The following ZGRF1 variants were observed in gnomAD, a reference collection of about 807,000 sequenced individuals.
The protein encoded by ZGRF1 is zinc finger GRF-type containing 1.
A neutral mutation model predicts 203.5 loss-of-function variants in ZGRF1; 196 were observed. That is an observed-to-expected ratio of 0.96 (90% CI 0.86 to 1.08). The LOEUF is 1.08. ZGRF1 is among the 50% of genes least tolerant of loss of function. ZGRF1 has a pLI of 0.00. For missense variants in ZGRF1, 2,326 were observed against 2,416.3 expected, an observed-to-expected ratio of 0.96 and a Z score of 0.78; for synonymous variants, 809 against 841.3, an observed-to-expected ratio of 0.96 and a Z score of 0.66.
chr4:112,556,399 G>GT (rs1291295199), intron 20 of ZGRF1, among the ~76,000 whole-genome samples: 7 of 151,320 alleles, frequency 4.6e-5, no homozygotes, highest in Admixed American at 2.6e-4. Flanking sequence ...CATTTTCTAA[G>GT]TTTTTTTTTG....
rs551021088 is a variant in ZGRF1, at chr4:112,618,657, A to G, written c.1385T>C (p.Val462Ala). The G allele has an allele frequency of 6.2e-7, 1 of 1,613,106 alleles. No homozygotes were observed. Among genetic ancestry groups the G allele is most frequent in the Admixed American group, 1.7e-5 (1 of 59,994 alleles). ...CTTTTCCAGTGTTCCACATGTATTT[A>G]CCTCCTGAGCATTTTCTTTAATGAG... ...SVLIKENAQE[V>A]NTCGTLEKEY... The change falls in exon 6 of 28, where the codon GTA becomes GCA. Residue 462 changes from valine to alanine, a missense_variant. Coordinates refer to ENST00000505019, the MANE Select transcript of ZGRF1 (RefSeq NM_018392.5).
At chr4:112,583,797 C>T (rs1161245948) in intron 15 of ZGRF1, among the ~76,000 whole-genome samples, 181 bp downstream of exon 15, 1 of 151,610 alleles carries the variant, frequency 6.6e-6, no homozygotes, top group East Asian at 1.9e-4. Flanking sequence ...AGAGCAAGAG[C>T]TTGTAACTAT....
intron 10 of ZGRF1, 84 bp downstream of exon 10, chr4:112,603,440 T>C: frequency 1.1e-6 from 1 of 919,828 alleles, no homozygotes; most frequent in South Asian, 1.9e-5. Flanking sequence ...TATAACTGTA[T>C]AAACAACTAT....
intron 16 of ZGRF1, among the ~76,000 whole-genome samples, chr4:112,571,841 C>T (rs1311679330): frequency 6.6e-6 from 1 of 152,098 alleles, no homozygotes; most frequent in Non-Finnish European, 1.5e-5. Context: ...CATCTAAGAA[C>T]AGAGAGGGGA....
In ZGRF1 at chr4:112,560,911, A is replaced by T. The variant is rs760317630; in HGVS notation, c.4782T>A (p.Phe1594Leu). The T allele has an allele frequency of 1.9e-6, 3 of 1,613,448 alleles. No individual in the cohort carries two copies. In the South Asian group the frequency reaches 3.3e-5, roughly 18 times the overall value. ...PPAFTNVSTK[F>L]ELLSLGATLK... ...ATGTTGCTCCTAGGCTGAGTAGTTC[A>T]AATTTTGTACTGACATTTGTGAAGG... The change falls in exon 19 of 28, where the codon TTT becomes TTA. Residue 1594 changes from phenylalanine to leucine, a missense_variant. Physicochemically the swap from Phe to Leu is conservative, Grantham distance 22. Coordinates refer to ENST00000505019, the MANE Select transcript of ZGRF1 (RefSeq NM_018392.5).
intron 6 of ZGRF1, among the ~76,000 whole-genome samples, chr4:112,614,009 G>A (rs1332682523): frequency 1.3e-5 from 2 of 152,060 alleles, no homozygotes; most frequent in African/African-American, 4.8e-5. Flanking sequence ...AACACCAGAT[G>A]AAAATTGATA....
chr4:112,566,828 T>A (rs1288711106), intron 16 of ZGRF1, among the ~76,000 whole-genome samples: 1 of 151,954 alleles, frequency 6.6e-6, no homozygotes, highest in Non-Finnish European at 1.5e-5. Context: ...GGGAGGCTCT[T>A]GGGGTTCTGT....
chr4:112,585,729 C>CAAA lies in ZGRF1; in HGVS notation c.3917-7_3917-5dup. On this transcript the variant is annotated splice_region_variant and splice_polypyrimidine_tract_variant and intron_variant, in intron 13 of 27. Coordinates refer to ENST00000505019, the MANE Select transcript of ZGRF1 (RefSeq NM_018392.5). ...AACAGCAATATATTTAGATGTTCTA[C>CAAA]AAAAAAAAAAAAAAGAGAGCAGAAA... The CAAA allele has an allele frequency of 8.0e-5, 93 of 1,161,270 alleles. No homozygotes were observed. Among genetic ancestry groups the CAAA allele is most frequent in the South Asian group, 1.9e-4 (9 of 46,680 alleles). 71.9% of individuals were successfully genotyped at this position (1,161,270 alleles called of 1,614,324 possible). A position where few individuals can be genotyped will look rare whatever the true frequency, so the allele number is the denominator to read the frequency against.
At chr4:112,555,474 T>C (rs1740767435) in intron 20 of ZGRF1, among the ~76,000 whole-genome samples, 1 of 152,170 alleles carries the variant, frequency 6.6e-6, no homozygotes, top group Admixed American at 6.5e-5. Flanking sequence ...AAAACAATTT[T>C]CCAAAATAAT....
intron 9 of ZGRF1, among the ~76,000 whole-genome samples, chr4:112,604,937 T>C (rs1416035254): frequency 1.3e-5 from 2 of 152,212 alleles, no homozygotes; most frequent in East Asian, 3.8e-4. Flanking sequence ...ATAATTTGAA[T>C]ATACTCTTAT....
intron 20 of ZGRF1, among the ~76,000 whole-genome samples, chr4:112,554,991 A>C (rs1016468013): frequency 5.3e-5 from 8 of 152,240 alleles, no homozygotes. Context: ...AATACGCATT[A>C]TTCCATCTTG....
intron 23 of ZGRF1, among the ~76,000 whole-genome samples, chr4:112,547,620 G>A (rs751542138): frequency 1.3e-5 from 2 of 152,182 alleles, no homozygotes; most frequent in South Asian, 2.1e-4. Flanking sequence ...TGCCCTCCCT[G>A]CACATAAAAC....
chr4:112,540,816 C>T lies in ZGRF1; in HGVS notation c.5910+5G>A. On this transcript the variant is annotated splice_donor_5th_base_variant and intron_variant, in intron 26 of 27. Coordinates refer to ENST00000505019, the MANE Select transcript of ZGRF1 (RefSeq NM_018392.5). ...ATGGCAAATACTGTAATACATAATACCAACCTTGTACATCTGGGATTTGTA... is the reference window on the plus strand; with the variant it reads ...ATGGCAAATACTGTAATACATAATATCAACCTTGTACATCTGGGATTTGTA... 1 of 1,585,996 alleles carries T rather than the reference C, an allele frequency of 6.3e-7. No individual in the cohort carries two copies. The highest frequency in any genetic ancestry group is 8.6e-7 in the Non-Finnish European group (1 of 1,164,114).
intron 8 of ZGRF1, among the ~76,000 whole-genome samples, chr4:112,609,024 T>G (rs1462004060): frequency 6.6e-6 from 1 of 152,062 alleles, no homozygotes; most frequent in African/African-American, 2.4e-5. Context: ...TAAAATTACA[T>G]GCCATACCTC....
At chr4:112,550,756 G>T (rs1453648453) in intron 22 of ZGRF1, among the ~76,000 whole-genome samples, 1 of 152,160 alleles carries the variant, frequency 6.6e-6, no homozygotes, top group African/African-American at 2.4e-5. Context: ...GGGAGGATGA[G>T]GCAGAAGAAT....
chr4:112,621,962 A>G (rs1379973598), intron 4 of ZGRF1, among the ~76,000 whole-genome samples: 1 of 151,132 alleles, frequency 6.6e-6, no homozygotes, highest in Non-Finnish European at 1.5e-5. Context: ...TCCTGACCTC[A>G]GGTGATCCGC....
Position 112,618,648 on chromosome 4 carries a change from C to T in ZGRF1, c.1394G>A (p.Cys465Tyr), listed in dbSNP as rs1294884597. Residue 465 changes from cysteine to tyrosine, a missense_variant, in exon 6 of 28, where the codon TGT (cysteine) becomes TAT (tyrosine). Transcript: ENST00000505019. ...TTCATACTCCTTTTCCAGTGTTCCA[C>T]ATGTATTTACCTCCTGAGCATTTTC... The part of the protein sequence containing the change: ...IKENAQEVNT[C>Y]GTLEKEYEQS... 1.2e-6 allele frequency: 2 copies of T among 1,613,338 alleles called. No homozygotes were observed. The highest frequency in any genetic ancestry group is 2.2e-5 in the East Asian group (1 of 44,842).
At position 112,619,748 on chromosome 4, in the gene ZGRF1, GAA is replaced by G. The variant is rs2047004332; in HGVS notation, c.352-60_352-59del. ...ATTACCCATTAAGAAAATGTGAAAT[GAA>G]CTGGCTAAGAAAAAAAAAGGAGAAG... On this transcript the variant is annotated intron_variant, in intron 5 of 27. Coordinates refer to ENST00000505019, the MANE Select transcript of ZGRF1 (RefSeq NM_018392.5). 3.0e-6 allele frequency: 4 copies of G among 1,325,216 alleles called. No individual in the cohort carries two copies. In the South Asian group the frequency reaches 6.1e-5, roughly 20 times the overall value. 82.1% of individuals were successfully genotyped at this position (1,325,216 alleles called of 1,614,324 possible).
At chr4:112,589,243 T>C (rs551457709) in intron 11 of ZGRF1, among the ~76,000 whole-genome samples, 1 of 152,214 alleles carries the variant, frequency 6.6e-6, no homozygotes, top group East Asian at 1.9e-4. Context: ...TGACTCATAG[T>C]GAAGGGCCAA....
Sources: allele counts gnomAD v4.1 joint callset (sites outside exome capture counted in the v4.1 genomes callset), GRCh38; gene constraint gnomAD v4.1.1; transcripts MANE v1.5; gene names NCBI Gene and HGNC (gene_info 2026-07-23, HGNC 2026-07-21).